AKAP19: variants seen among roughly 807,000 people sequenced by gnomAD.
AKAP19 encodes A-kinase anchoring protein 19.
At chr2:189,916,940 T>G in the AKAP19 span, among the ~76,000 whole-genome samples, 1,455 of 152,316 alleles carry the variant, frequency 9.6e-3, 25 homozygotes, top group African/African-American at 0.033. Context: ...TCCGTTTTAC[T>G]CTTCAGTTCA....
the AKAP19 span, among the ~76,000 whole-genome samples, chr2:189,909,396 T>C: frequency 7.8e-4 from 119 of 152,154 alleles, no homozygotes; most frequent in Non-Finnish European, 1.5e-3. Flanking sequence ...TCATGTTAAT[T>C]GTTTTCTGGC....
the AKAP19 span, among the ~76,000 whole-genome samples, chr2:189,928,966 A>G: frequency 1.3e-5 from 2 of 152,188 alleles, no homozygotes; most frequent in Non-Finnish European, 2.9e-5. Context: ...CATTAAATGG[A>G]TAAAACATTA....
chr2:189,969,869 C>CT, the AKAP19 span, among the ~76,000 whole-genome samples: 9,458 of 109,932 alleles, frequency 0.086, 1,496 homozygotes, highest in African/African-American at 0.28. Flanking sequence ...TCTTCTTCTT[C>CT]TTTTTTTTTT....
At chr2:190,061,074 A>C in the AKAP19 span, among the ~76,000 whole-genome samples, 1 of 152,058 alleles carries the variant, frequency 6.6e-6, no homozygotes, top group Non-Finnish European at 1.5e-5. Flanking sequence ...GCTGTCATGT[A>C]AGCACAAGCA....
the AKAP19 span, among the ~76,000 whole-genome samples, chr2:189,929,585 A>G: frequency 0.057 from 8,699 of 152,024 alleles, 436 homozygotes; most frequent in African/African-American, 0.13. Flanking sequence ...AAGGGATAGT[A>G]CATCTCAGTT....
the AKAP19 span, among the ~76,000 whole-genome samples, chr2:190,168,743 A>G: frequency 6.6e-6 from 1 of 152,222 alleles, no homozygotes. Context: ...CTAAAACATA[A>G]CAAGAGTCAC....
At chr2:190,031,247 T>G in the AKAP19 span, among the ~76,000 whole-genome samples, 2 of 152,186 alleles carry the variant, frequency 1.3e-5, no homozygotes, top group African/African-American at 4.8e-5. Flanking sequence ...GTACAGGATG[T>G]GGAGTAGGGA....
chr2:189,926,265 G>T, the AKAP19 span, among the ~76,000 whole-genome samples: 1 of 152,086 alleles, frequency 6.6e-6, no homozygotes, highest in Non-Finnish European at 1.5e-5. Flanking sequence ...AGAAAGATGC[G>T]CAATGATTTT....
the AKAP19 span, among the ~76,000 whole-genome samples, chr2:190,005,221 G>C: frequency 1.3e-5 from 2 of 152,156 alleles, no homozygotes; most frequent in Admixed American, 6.5e-5. Flanking sequence ...CAGCATGCAG[G>C]GAGACCTGAC....
chr2:190,162,264 T>A, the AKAP19 span, among the ~76,000 whole-genome samples: 1 of 152,268 alleles, frequency 6.6e-6, no homozygotes, highest in South Asian at 2.1e-4. Context: ...ACAGTAATAT[T>A]TTAAATTGCT....
the AKAP19 span, among the ~76,000 whole-genome samples, chr2:190,123,751 A>G: frequency 6.6e-6 from 1 of 152,114 alleles, no homozygotes; most frequent in Non-Finnish European, 1.5e-5. Flanking sequence ...AAATCTAGAA[A>G]CCTGGTAAAG....
the AKAP19 span, chr2:190,079,886 T>TGA: frequency 9.1e-5 from 9 of 98,540 alleles, no homozygotes; most frequent in Non-Finnish European, 1.8e-4. Context: ...TGTGTGTGTG[T>TGA]GTGTGAGAGA....
the AKAP19 span, among the ~76,000 whole-genome samples, chr2:190,000,505 G>A: frequency 6.6e-6 from 1 of 152,318 alleles, no homozygotes; most frequent in South Asian, 2.1e-4. Context: ...GTAGGTAAAA[G>A]TCCAGGCATG....
chr2:189,889,093 T>G, the AKAP19 span, among the ~76,000 whole-genome samples: 1 of 152,174 alleles, frequency 6.6e-6, no homozygotes, highest in Non-Finnish European at 1.5e-5. Context: ...GCTCTTATTA[T>G]TTTGAGATAT....
At chr2:190,088,309 A>G in the AKAP19 span, among the ~76,000 whole-genome samples, 160 of 152,274 alleles carry the variant, frequency 1.1e-3, no homozygotes, top group African/African-American at 3.7e-3. Context: ...ATGAAGATGC[A>G]AAGAGCACTC....
At chr2:190,143,980 A>G in the AKAP19 span, among the ~76,000 whole-genome samples, 17 of 130,262 alleles carry the variant, frequency 1.3e-4, no homozygotes, top group Non-Finnish European at 2.4e-4. Flanking sequence ...ATGAGATCAC[A>G]TGGACACAGG....
At chr2:190,186,926 G>A in the AKAP19 span, among the ~76,000 whole-genome samples, 3 of 151,880 alleles carry the variant, frequency 2.0e-5, no homozygotes, top group Admixed American at 6.6e-5. The surrounding 1 kb of genome is among the most constrained non-coding windows in gnomAD (Gnocchi z 5.5). Context: ...TGCAACTTCC[G>A]CCTCCCAGGT....
the AKAP19 span, among the ~76,000 whole-genome samples, chr2:189,915,528 C>G: frequency 1.3e-5 from 2 of 151,928 alleles, no homozygotes; most frequent in Non-Finnish European, 2.9e-5. Flanking sequence ...TCCCAGCTAG[C>G]AAATGATGTT....
At chr2:189,890,537 T>A in the AKAP19 span, among the ~76,000 whole-genome samples, 1 of 152,184 alleles carries the variant, frequency 6.6e-6, no homozygotes, top group Non-Finnish European at 1.5e-5. Flanking sequence ...TCTCCCACTA[T>A]TATTGTGTGG....
Sources: gnomAD v4.1 joint callset for allele counts (sites outside exome capture counted in the v4.1 genomes callset) on GRCh38, gnomAD v4.1.1 for gene constraint, Gnocchi (gnomAD v3.1) non-coding constraint, MANE v1.5 for transcripts, NCBI Gene and HGNC (gene_info 2026-07-23, HGNC 2026-07-21) for gene names.